The following ATXN8OS variants were observed in gnomAD, a reference collection of about 807,000 sequenced individuals.
ATXN8OS encodes ATXN8 opposite strand (non-protein coding).
intron 4 of ATXN8OS, among the ~76,000 whole-genome samples, chr13:70,168,574 T>C (rs1484373280): frequency 2.0e-5 from 3 of 147,446 alleles, no homozygotes; most frequent in Non-Finnish European, 4.5e-5. Flanking sequence ...ATCATTCTAC[T>C]CTCTATCTCT....
intron 2 of ATXN8OS, among the ~76,000 whole-genome samples, chr13:70,122,401 T>C (rs973649797): frequency 9.9e-5 from 15 of 152,016 alleles, no homozygotes; most frequent in Admixed American, 3.3e-4. Flanking sequence ...TTGAGAGTTA[T>C]ACAGCTCTAA....
intron 4 of ATXN8OS, among the ~76,000 whole-genome samples, chr13:70,155,023 G>C (rs1888918743): frequency 6.6e-6 from 1 of 152,190 alleles, no homozygotes; most frequent in Non-Finnish European, 1.5e-5. Flanking sequence ...CTTTTGTGAA[G>C]TGTGTATAAA....
At chr13:70,120,614 C>T (rs1229179940) in intron 2 of ATXN8OS, among the ~76,000 whole-genome samples, 1 of 152,090 alleles carries the variant, frequency 6.6e-6, no homozygotes, top group East Asian at 1.9e-4. Context: ...CCGTAAAGAA[C>T]TAAACAATAA....
At chr13:70,134,041 TTTTA>T (rs532196694) in intron 3 of ATXN8OS, among the ~76,000 whole-genome samples, 8 of 152,294 alleles carry the variant, frequency 5.3e-5, no homozygotes, top group African/African-American at 1.9e-4. Flanking sequence ...TGTGTTTTAT[TTTTA>T]TTTTTTATTT....
At chr13:70,149,145 T>A (rs144757528) in intron 4 of ATXN8OS, among the ~76,000 whole-genome samples, 2 of 152,240 alleles carry the variant, frequency 1.3e-5, no homozygotes, top group African/African-American at 4.8e-5. Flanking sequence ...GTTTTGCAGT[T>A]TCTTCTGTCT....
At chr13:70,159,307 CT>C (rs534248492) in intron 4 of ATXN8OS, among the ~76,000 whole-genome samples, 1 of 151,606 alleles carries the variant, frequency 6.6e-6, no homozygotes, top group African/African-American at 2.4e-5. Context: ...TTTGTAGATG[CT>C]TTTTTATTAT....
chr13:70,120,566 T>C lies in ATXN8OS; in HGVS notation n.398+5268T>C, dbSNP rs183077641. ...CATGCACTATAAAGCAAGCTTCCACTATCCATACAGAGCTTGCACTTTATT... is the reference window on the plus strand; with the variant it reads ...CATGCACTATAAAGCAAGCTTCCACCATCCATACAGAGCTTGCACTTTATT... On this transcript the variant is annotated intron_variant and non_coding_transcript_variant, in intron 2 of 4. Transcript: ENST00000678624. Among the ~76,000 whole-genome samples, 259 of 152,288 alleles carry C rather than the reference T, an allele frequency of 1.7e-3. 1 individual carries two copies. Among genetic ancestry groups the C allele is most frequent in the African/African-American group, 6.1e-3 (252 of 41,568 alleles).
chr13:70,125,244 C>A (rs566107518), intron 2 of ATXN8OS, among the ~76,000 whole-genome samples: 1 of 151,918 alleles, frequency 6.6e-6, no homozygotes, highest in African/African-American at 2.4e-5. Flanking sequence ...TCTTATGTAC[C>A]CTTCATCCAA....
chr13:70,159,554 G>A (rs899973117), intron 4 of ATXN8OS, among the ~76,000 whole-genome samples: 1 of 152,064 alleles, frequency 6.6e-6, no homozygotes, highest in African/African-American at 2.4e-5. Flanking sequence ...ATTCCCACGT[G>A]CATACCATAC....
At chr13:70,163,119 T>A (rs1889030061) in intron 4 of ATXN8OS, among the ~76,000 whole-genome samples, 1 of 152,126 alleles carries the variant, frequency 6.6e-6, no homozygotes, top group Admixed American at 6.6e-5. Context: ...ATAACAATAA[T>A]AGTAATTATG....
intron 4 of ATXN8OS, among the ~76,000 whole-genome samples, chr13:70,167,783 T>C (rs1389076521): frequency 1.6e-5 from 2 of 129,028 alleles, no homozygotes; most frequent in Non-Finnish European, 3.1e-5. Flanking sequence ...TTGCCCAGGC[T>C]GGAGTGCAGT....
At chr13:70,159,179 TTCTC>T (rs146118015) in intron 4 of ATXN8OS, among the ~76,000 whole-genome samples, 56 of 26,590 alleles carry the variant, frequency 2.1e-3, no homozygotes, top group Non-Finnish European at 4.4e-3. Context: ...ACCACTTCCA[TTCTC>T]TCTCTCTCTC....
At chr13:70,139,535 T>A (rs959731045) in intron 3 of ATXN8OS, 38 of 497,468 alleles carry the variant, frequency 7.6e-5, no homozygotes, top group African/African-American at 7.0e-4. Context: ...AATTTATGAA[T>A]AAAGAATTGA....
intron 2 of ATXN8OS, among the ~76,000 whole-genome samples, chr13:70,119,079 A>G (rs185940826): frequency 9.2e-5 from 14 of 152,262 alleles, no homozygotes; most frequent in Admixed American, 7.9e-4. Context: ...GGACAGGGAC[A>G]TATCTTGGCA....
chr13:70,168,635 T>A (rs923680563), intron 4 of ATXN8OS, among the ~76,000 whole-genome samples: 9 of 151,512 alleles, frequency 5.9e-5, no homozygotes, highest in African/African-American at 2.2e-4. Flanking sequence ...AGAGAACATG[T>A]GACATTTGTC....
At chr13:70,149,798 A>T (rs1308635178) in intron 4 of ATXN8OS, among the ~76,000 whole-genome samples, 1 of 152,154 alleles carries the variant, frequency 6.6e-6, no homozygotes, top group South Asian at 2.1e-4. Flanking sequence ...TAGCCATTCC[A>T]ATTAAAACAA....
intron 3 of ATXN8OS, among the ~76,000 whole-genome samples, chr13:70,146,086 A>G (rs1405599548): frequency 2.1e-5 from 3 of 142,754 alleles, no homozygotes; most frequent in Non-Finnish European, 4.6e-5. Context: ...AAACAACCCC[A>G]TCAAAAAGTG....
At chr13:70,114,119 T>G (rs902495394) in intron 1 of ATXN8OS, among the ~76,000 whole-genome samples, 5 of 152,226 alleles carry the variant, frequency 3.3e-5, no homozygotes, top group Non-Finnish European at 7.3e-5. Context: ...GTAAATTGGC[T>G]TCCAAAATCT....
At chr13:70,166,441 C>G (rs991929240) in intron 4 of ATXN8OS, among the ~76,000 whole-genome samples, 2 of 151,796 alleles carry the variant, frequency 1.3e-5, no homozygotes, top group African/African-American at 4.8e-5. Context: ...ATAAATGGTG[C>G]TGGGAAAACT....
Sources: gnomAD v4.1 joint callset for allele counts (sites outside exome capture counted in the v4.1 genomes callset) on GRCh38, gnomAD v4.1.1 for gene constraint, MANE v1.5 for transcripts, NCBI Gene and HGNC (gene_info 2026-07-23, HGNC 2026-07-21) for gene names.